Variants in PIAS4 observed in about 807,000 individuals in gnomAD.
The protein encoded by PIAS4 is E3 SUMO-protein ligase PIAS4.
In PIAS4, 7 loss-of-function variants were observed where a neutral mutation model predicts 58.0. The ratio of observed to expected loss-of-function variants is 0.12; its 90% confidence interval spans 0.07 to 0.23. The LOEUF (loss-of-function observed/expected upper bound fraction) is 0.23. Among genes scored for constraint, PIAS4 ranks in the 10% least tolerant of loss-of-function variants. The probability of loss-of-function intolerance (pLI) is 1.00; values close to 1 mark genes in which losing one functional copy is unlikely to be tolerated. For synonymous variants in PIAS4, 364 were observed against 312.4 expected (o/e 1.17, Z -1.74); for missense variants, 550 against 709.5 (o/e 0.78, Z 2.55).
intron 9 of PIAS4, among the ~76,000 whole-genome samples, chr19:4,036,630 T>TC (rs1444685254): frequency 1.6e-5 from 2 of 128,196 alleles, no homozygotes; most frequent in African/African-American, 6.6e-5. Flanking sequence ...CCGTCTCACA[T>TC]CTATACAGTC....
chr19:4,024,262 G>A, intron 3 of PIAS4, 142 bp downstream of exon 3: 1 of 666,638 alleles, frequency 1.5e-6, no homozygotes, highest in South Asian at 1.7e-5. Context: ...GCAGTGGCCG[G>A]GTTTGCTTCC....
At chr19:4,020,835 C>T (rs1599221537) in intron 2 of PIAS4, among the ~76,000 whole-genome samples, 2 of 152,202 alleles carry the variant, frequency 1.3e-5, no homozygotes. Context: ...TCCTGTGCTA[C>T]AGCGATCCTC....
intron 9 of PIAS4, among the ~76,000 whole-genome samples, chr19:4,036,286 TCACA>T (rs138200001): frequency 2.0e-5 from 2 of 100,108 alleles, no homozygotes; most frequent in African/African-American, 7.0e-5. Flanking sequence ...GTCTACACCG[TCACA>T]CACACACACA....
intron 7 of PIAS4, among the ~76,000 whole-genome samples, chr19:4,032,125 G>A (rs1358338119): frequency 6.6e-6 from 1 of 152,174 alleles, no homozygotes; most frequent in Non-Finnish European, 1.5e-5. Flanking sequence ...GCTCCCAAGC[G>A]GGCAGAGATA....
At chr19:4,023,552 G>A (rs752302915) in intron 2 of PIAS4, among the ~76,000 whole-genome samples, 1 of 152,196 alleles carries the variant, frequency 6.6e-6, no homozygotes, top group Non-Finnish European at 1.5e-5. Flanking sequence ...AGAGGGTAGG[G>A]CCCAGGCTTG....
Position 4,013,166 on chromosome 19 carries a change from G to A in PIAS4, c.271G>A (p.Asp91Asn), listed in dbSNP as rs370475096. The A allele has an allele frequency of 1.5e-5, 25 of 1,613,254 alleles. No homozygotes were observed. In the Admixed American group the frequency reaches 2.0e-4, roughly 13 times the overall value. The part of the protein sequence containing the change: ...LDPLTMHSTY[D>N]RAGAVPRTPL... Reference sequence around the variant, plus strand: ...CCCCCTGACCATGCACTCCACCTACGACCGGGCCGGCGCTGTGCCCAGGAC... The same window carrying A: ...CCCCCTGACCATGCACTCCACCTACAACCGGGCCGGCGCTGTGCCCAGGAC... Residue 91 changes from aspartate (D) to asparagine (N), a missense_variant, in exon 2 of 11, where the codon GAC becomes AAC. Asp to Asn is a conservative substitution (Grantham distance 23). This residue lies in a region of PIAS4 where 95 missense variants were observed against 87.5 expected (regional missense o/e 1.09). Transcript: ENST00000262971. This position sits in a 1 kb window ranked among gnomAD's most constrained non-coding sequence, Gnocchi z 5.1.
At chr19:4,025,472 T>C (rs2040153508) in intron 3 of PIAS4, among the ~76,000 whole-genome samples, 1 of 152,212 alleles carries the variant, frequency 6.6e-6, no homozygotes, top group South Asian at 2.1e-4. Flanking sequence ...CCTGAGTCCA[T>C]GGCAGGGCTG....
chr19:4,018,192 G>A (rs2040071179), intron 2 of PIAS4, among the ~76,000 whole-genome samples: 1 of 152,244 alleles, frequency 6.6e-6, no homozygotes, highest in Non-Finnish European at 1.5e-5. Context: ...GAAAACTGGA[G>A]TCAACAGCAG....
In PIAS4 at chr19:4,037,907, C is replaced by T. The variant is rs770776191; in HGVS notation, c.*32C>T. On this transcript the variant is annotated 3_prime_UTR_variant, in exon 11 of 11. Coordinates refer to ENST00000262971, the MANE Select transcript of PIAS4 (RefSeq NM_015897.4). This position sits in a 1 kb window ranked among gnomAD's most constrained non-coding sequence, Gnocchi z 5.8. ...CCGCACACTCGACTTTCCTGGTGCT[C>T]ACCACGCAGAGGGGCACGGGCCAGC... 1.9e-6 allele frequency: 3 copies of T among 1,563,220 alleles called. No individual in the cohort carries two copies. In the South Asian group the frequency reaches 3.5e-5, roughly 18 times the overall value.
intron 1 of PIAS4, among the ~76,000 whole-genome samples, chr19:4,011,845 G>T (rs868156924): frequency 1.3e-5 from 1 of 79,082 alleles, no homozygotes; most frequent in African/African-American, 7.6e-5. Context: ...GAGGTGTGTG[G>T]GGTGTGGAGG....
intron 2 of PIAS4, among the ~76,000 whole-genome samples, chr19:4,021,266 A>G (rs1051976479): frequency 1.3e-5 from 2 of 151,996 alleles, no homozygotes; most frequent in African/African-American, 4.8e-5. Context: ...GATTCTCCTC[A>G]GCCTCCCGAG....
At chr19:4,010,229 C>T (rs904280748) in intron 1 of PIAS4, among the ~76,000 whole-genome samples, 3 of 152,172 alleles carry the variant, frequency 2.0e-5, no homozygotes, top group Admixed American at 6.5e-5. Flanking sequence ...CAGGCTCCTC[C>T]GAGGTGGCAG....
chr19:4,012,817 G>T, intron 1 of PIAS4, 106 bp from the exon 2 acceptor site: 1 of 1,280,422 alleles, frequency 7.8e-7, no homozygotes, highest in African/African-American at 1.5e-5. Flanking sequence ...GGCGCTTCCT[G>T]GCGAGTGGGT....
chr19:4,020,555 G>A (rs2040099092), intron 2 of PIAS4, among the ~76,000 whole-genome samples: 1 of 152,234 alleles, frequency 6.6e-6, no homozygotes, highest in Admixed American at 6.5e-5. Flanking sequence ...TTACTCAGAT[G>A]CCTTCTCTCC....
At chr19:4,010,316 G>C (rs894577073) in intron 1 of PIAS4, among the ~76,000 whole-genome samples, 3 of 152,304 alleles carry the variant, frequency 2.0e-5, no homozygotes, top group African/African-American at 7.2e-5. Context: ...CGGCTCCACT[G>C]TCCAGCCTGG....
intron 1 of PIAS4, among the ~76,000 whole-genome samples, chr19:4,008,442 A>C (rs1032319400): frequency 2.1e-4 from 32 of 151,936 alleles, no homozygotes; most frequent in African/African-American, 7.5e-4. Context: ...CAGCTCCTGC[A>C]TTGGTCCCAG....
At chr19:4,033,672 AGCAAGAC>A (rs2040247196) in intron 9 of PIAS4, 92 bp downstream of exon 9, 1 of 1,063,586 alleles carries the variant, frequency 9.4e-7, no homozygotes, top group African/African-American at 1.6e-5. Context: ...ATGGTGCCCC[AGCAAGAC>A]ACAGCAGTGG....
intron 1 of PIAS4, among the ~76,000 whole-genome samples, chr19:4,010,905 G>A (rs2039986502): frequency 1.3e-5 from 2 of 152,228 alleles, no homozygotes; most frequent in African/African-American, 4.8e-5. Context: ...GCCTGCACGT[G>A]TGTCCCTGTC....
rs2039981637 is a variant in PIAS4, at chr19:4,010,406, A to T, written c.28-2517A>T. 3.9e-5 allele frequency among the ~76,000 whole-genome samples: 6 copies of T among 152,232 alleles called. No homozygotes were observed. In the South Asian group the frequency reaches 1.2e-3, roughly 31 times the overall value. On this transcript the variant is annotated intron_variant, in intron 1 of 10. Coordinates refer to ENST00000262971, the MANE Select transcript of PIAS4 (RefSeq NM_015897.4). ...GCCTTCGGCCAGTCTGCCAGTGTGAAGTGTCCACATGACATCGTCTCTCCC... is the reference window on the plus strand; with the variant it reads ...GCCTTCGGCCAGTCTGCCAGTGTGATGTGTCCACATGACATCGTCTCTCCC...
Sources: gnomAD v4.1 joint callset for allele counts (sites outside exome capture counted in the v4.1 genomes callset) on GRCh38, gnomAD v4.1.1 for gene constraint, gnomAD v4.1.1 regional missense constraint, Gnocchi (gnomAD v3.1) non-coding constraint, MANE v1.5 for transcripts, NCBI Gene and HGNC (gene_info 2026-07-23, HGNC 2026-07-21) for gene names.